The following FAM120A variants were observed in gnomAD, a reference collection of about 807,000 sequenced individuals.
The protein encoded by FAM120A is family with sequence similarity 120 member A.
In FAM120A, 15 loss-of-function variants were observed where a neutral mutation model predicts 109.7. The observed-to-expected ratio is 0.14, with a 90% CI of 0.09 to 0.21. The LOEUF is 0.21. FAM120A is among the 10% of genes least tolerant of loss of function. The probability of loss-of-function intolerance (pLI) is 1.00; values close to 1 mark genes in which losing one functional copy is unlikely to be tolerated. For synonymous variants in FAM120A, 493 were observed against 572.8 expected (o/e 0.86, Z 1.99); for missense variants, 899 against 1,439.3 (o/e 0.62, Z 6.07).
At chr9:93,453,670 G>A in intron 1 of FAM120A, 1 of 975,554 alleles carries the variant, frequency 1.0e-6, no homozygotes, top group Non-Finnish European at 1.2e-6. Flanking sequence ...GCAGAGTCCC[G>A]ATTGGCCCCT....
At chr9:93,462,255 T>A (rs191509978) in intron 1 of FAM120A, among the ~76,000 whole-genome samples, 1 of 152,322 alleles carries the variant, frequency 6.6e-6, no homozygotes, top group East Asian at 1.9e-4. Context: ...ATTTAACCAT[T>A]TTTAAATGTA....
In FAM120A at chr9:93,452,454, G is replaced by C. The variant is rs765234116; in HGVS notation, c.474+65G>C. The stretch of plus-strand genomic sequence containing the variant: ...CGCCGCACCCCTATCCCCCTTCCCA[G>C]GGCGCAGAATGTCGCCCGGCCGTGG... On this transcript the variant is annotated intron_variant, in intron 1 of 17. Transcript: ENST00000277165. This position sits in a 1 kb window ranked among gnomAD's most constrained non-coding sequence, Gnocchi z 7.0. The C allele has an allele frequency of 6.4e-7, 1 of 1,554,446 alleles. No homozygotes were observed. The highest frequency in any genetic ancestry group is 1.9e-5 in the Admixed American group (1 of 52,220).
Position 93,529,385 on chromosome 9 carries a change from C to T in FAM120A, c.1539C>T (p.Ser513=), listed in dbSNP as rs199504429. 57 of 1,611,298 alleles carry T rather than the reference C, an allele frequency of 3.5e-5. No homozygotes were observed. The African/African-American group carries it at 5.6e-4, about 16-fold the overall frequency. The change falls in exon 9 of 18, where the codon AGC becomes AGT. Residue 513 remains serine, a synonymous_variant. Coordinates refer to ENST00000277165, the MANE Select transcript of FAM120A (RefSeq NM_014612.5). ...AEGSSTASSG[S]QLAEGKGSQM... is the part of the protein sequence containing the mutation. ...GCTCGTCCACTGCCTCTTCAGGAAGCCAACTAGCCGAAGGCAAGGGAAGCC... is the reference window on the plus strand; with the variant it reads ...GCTCGTCCACTGCCTCTTCAGGAAGTCAACTAGCCGAAGGCAAGGGAAGCC...
At chr9:93,509,612 AT>A (rs1446389214) in intron 5 of FAM120A, among the ~76,000 whole-genome samples, 1 of 152,230 alleles carries the variant, frequency 6.6e-6, no homozygotes, top group Non-Finnish European at 1.5e-5. Flanking sequence ...TAAAAATTTG[AT>A]ATTCCTTAAA....
intron 10 of FAM120A, among the ~76,000 whole-genome samples, chr9:93,536,587 A>G (rs1861526848): frequency 6.6e-6 from 1 of 152,242 alleles, no homozygotes; most frequent in Non-Finnish European, 1.5e-5. Context: ...CAGATTTAAG[A>G]CATGTATATT....
chr9:93,495,579 G>A (rs910612853), intron 3 of FAM120A, among the ~76,000 whole-genome samples: 9 of 152,212 alleles, frequency 5.9e-5, no homozygotes, highest in African/African-American at 2.2e-4. Context: ...CAGTACTGTA[G>A]TCTATTAAGA....
At chr9:93,505,370 T>C (rs912774522) in intron 5 of FAM120A, among the ~76,000 whole-genome samples, 43 of 152,290 alleles carry the variant, frequency 2.8e-4, no homozygotes, top group African/African-American at 1.0e-3. Flanking sequence ...TGTTCGCTTG[T>C]GTTTCTGTTG....
intron 5 of FAM120A, among the ~76,000 whole-genome samples, chr9:93,507,896 G>A (rs1404871650): frequency 6.6e-6 from 1 of 152,158 alleles, no homozygotes; most frequent in Non-Finnish European, 1.5e-5. Flanking sequence ...TAGGATGGGT[G>A]GCAAGTACCA....
Position 93,499,642 on chromosome 9 carries a change from A to G in FAM120A, c.1030+756A>G, listed in dbSNP as rs530852615. Among the ~76,000 whole-genome samples the G allele has an allele frequency of 2.6e-5, 4 of 152,330 alleles. No individual in the cohort carries two copies. In the South Asian group the frequency reaches 8.3e-4, roughly 32 times the overall value. On this transcript the variant is annotated intron_variant, in intron 5 of 17. Coordinates refer to ENST00000277165, the MANE Select transcript of FAM120A (RefSeq NM_014612.5). ...TTGAAATTGGGAAATAAAAATATTT[A>G]TAAGCTGTTAGCCTGAAGCCTGCTT...
chr9:93,509,523 T>C (rs145389446), intron 5 of FAM120A, among the ~76,000 whole-genome samples: 49 of 152,384 alleles, frequency 3.2e-4, no homozygotes, highest in African/African-American at 1.1e-3. Context: ...AGTTTTTTGC[T>C]ACTATAATGA....
At chr9:93,471,832 G>A (rs1251887582) in intron 2 of FAM120A, among the ~76,000 whole-genome samples, 1 of 152,158 alleles carries the variant, frequency 6.6e-6, no homozygotes, top group African/African-American at 2.4e-5. Flanking sequence ...ACAAAAATAA[G>A]CTATCGTAGC....
At chr9:93,516,994 T>C (rs1397606218) in intron 7 of FAM120A, among the ~76,000 whole-genome samples, 1 of 152,256 alleles carries the variant, frequency 6.6e-6, no homozygotes, top group Non-Finnish European at 1.5e-5. Flanking sequence ...ACAGCGCAGA[T>C]AACCAGGGCT....
At chr9:93,489,702 G>A (rs1203823173) in intron 3 of FAM120A, among the ~76,000 whole-genome samples, 1 of 152,304 alleles carries the variant, frequency 6.6e-6, no homozygotes, top group South Asian at 2.1e-4. Context: ...AGGCAAATGT[G>A]TACAGAATAC....
At chr9:93,484,768 T>C (rs1216946900) in intron 3 of FAM120A, among the ~76,000 whole-genome samples, 1 of 152,154 alleles carries the variant, frequency 6.6e-6, no homozygotes, top group Non-Finnish European at 1.5e-5. Context: ...GAGATGGGGT[T>C]TCGCCATGTT....
intron 5 of FAM120A, among the ~76,000 whole-genome samples, chr9:93,508,515 G>A (rs527973604): frequency 4.4e-4 from 67 of 152,314 alleles, no homozygotes; most frequent in African/African-American, 1.6e-3. Flanking sequence ...GAGACAGCAG[G>A]CTGAGTGGCC....
intron 3 of FAM120A, among the ~76,000 whole-genome samples, chr9:93,493,934 T>G (rs1859455279): frequency 6.6e-6 from 1 of 152,256 alleles, no homozygotes; most frequent in South Asian, 2.1e-4. Flanking sequence ...GGCCCTTTTC[T>G]TATGGAAGAG....
At chr9:93,493,216 G>C (rs1588836694) in intron 3 of FAM120A, among the ~76,000 whole-genome samples, 1 of 152,300 alleles carries the variant, frequency 6.6e-6, no homozygotes. Flanking sequence ...TGATCTTTGA[G>C]TGGTATGGTC....
intron 7 of FAM120A, among the ~76,000 whole-genome samples, chr9:93,521,530 C>A (rs1366113587): frequency 1.3e-5 from 2 of 151,306 alleles, no homozygotes; most frequent in African/African-American, 4.9e-5. Context: ...TGTAGTGAGC[C>A]ATGATGGCAC....
At chr9:93,454,428 G>A (rs1045886214) in intron 1 of FAM120A, among the ~76,000 whole-genome samples, 3 of 151,972 alleles carry the variant, frequency 2.0e-5, no homozygotes, top group Non-Finnish European at 4.4e-5. Flanking sequence ...GTTGGCGGGT[G>A]TAGGGGGGTG....
Sources: allele counts gnomAD v4.1 joint callset (sites outside exome capture counted in the v4.1 genomes callset), GRCh38; gene constraint gnomAD v4.1.1; non-coding constraint Gnocchi (gnomAD v3.1); transcripts MANE v1.5; gene names NCBI Gene and HGNC (gene_info 2026-07-23, HGNC 2026-07-21).